The following ZNF675 variants were observed in gnomAD, a reference collection of about 807,000 sequenced individuals.
ZNF675 encodes zinc finger protein 675, also known as TRAF6 inhibitory zinc finger.
ZNF675 carries 36 observed loss-of-function variants against 56.1 expected under a neutral mutation model. The observed-to-expected ratio is 0.64, with a 90% CI of 0.49 to 0.85. The LOEUF is 0.85. Among genes scored for constraint, ZNF675 ranks in the 40% least tolerant of loss-of-function variants. ZNF675 has a pLI of 0.00. For synonymous variants in ZNF675, 200 were observed against 218.9 expected (o/e 0.91, Z 0.76); for missense variants, 663 against 654.2 (o/e 1.01, Z -0.15).
intron 1 of ZNF675, among the ~76,000 whole-genome samples, chr19:23,680,738 G>C (rs1345966032): frequency 2.6e-5 from 4 of 151,534 alleles, no homozygotes; most frequent in Non-Finnish European, 5.9e-5. Flanking sequence ...TGGGCAACAA[G>C]AGCAAAACTC....
chr19:23,680,246 C>T (rs7256137), intron 1 of ZNF675, among the ~76,000 whole-genome samples: 146,935 of 151,362 alleles, frequency 0.97, 71,612 homozygotes, highest in Middle Eastern at 1. Flanking sequence ...GAGGTTGCAG[C>T]GAGCTGACAT....
chr19:23,674,346 A>G (rs753561130), intron 1 of ZNF675, among the ~76,000 whole-genome samples: 16 of 151,860 alleles, frequency 1.1e-4, no homozygotes, highest in Non-Finnish European at 1.5e-4. Context: ...AAATGCTTAA[A>G]GAAGTGAGAG....
At chr19:23,676,853 T>C (rs1321554373) in intron 1 of ZNF675, among the ~76,000 whole-genome samples, 1 of 151,326 alleles carries the variant, frequency 6.6e-6, no homozygotes, top group Non-Finnish European at 1.5e-5. Context: ...GGTGGGTGGA[T>C]CACGAGGTCA....
chr19:23,666,279 C>G (rs903659384), intron 1 of ZNF675, among the ~76,000 whole-genome samples: 8 of 152,344 alleles, frequency 5.3e-5, no homozygotes, highest in Admixed American at 3.3e-4. Context: ...AAAAGTGACA[C>G]TTTGTAACTT....
chr19:23,670,485 A>ACCT (rs1443655226), intron 1 of ZNF675, among the ~76,000 whole-genome samples: 1 of 7,524 alleles, frequency 1.3e-4, no homozygotes, highest in Admixed American at 3.7e-3. Flanking sequence ...ATTATAGATA[A>ACCT]CCTTTTACAG....
At chr19:23,658,857 A>C (rs879586413) in intron 3 of ZNF675, among the ~76,000 whole-genome samples, 1,033 of 38,014 alleles carry the variant, frequency 0.027, 33 homozygotes, top group Non-Finnish European at 0.047. Flanking sequence ...CTATATAGAT[A>C]TAGAAATAGA....
Position 23,654,032 on chromosome 19 carries a change from T to A in ZNF675, c.901A>T (p.Thr301Ser). The change falls in exon 4 of 4, where the codon ACA becomes TCA. Residue 301 changes from threonine to serine, a missense_variant. Coordinates refer to ENST00000359788, the MANE Select transcript of ZNF675 (RefSeq NM_138330.3). ...TCTCCAGTATGAATTTTTTTATGTG[T>A]AGTAAGATTTGAGAACTGGTTAAAG... ...KAFNQFSNLT[T>S]HKKIHTGEQP... 1 of 1,613,320 alleles carries A rather than the reference T, an allele frequency of 6.2e-7. No individual in the cohort carries two copies. Among genetic ancestry groups the A allele is most frequent in the Non-Finnish European group, 8.5e-7 (1 of 1,179,814 alleles).
intron 1 of ZNF675, among the ~76,000 whole-genome samples, chr19:23,683,913 CA>C (rs1264331667): frequency 2.6e-5 from 4 of 151,948 alleles, no homozygotes; most frequent in Non-Finnish European, 5.9e-5. Context: ...GCTCTTTGCA[CA>C]TATTTTCTTC....
At chr19:23,673,555 T>C (rs1235653893) in intron 1 of ZNF675, among the ~76,000 whole-genome samples, 45 of 152,220 alleles carry the variant, frequency 3.0e-4, no homozygotes, top group Admixed American at 2.9e-3. Flanking sequence ...TGGGAGTGAC[T>C]GGAAGCCTGA....
intron 1 of ZNF675, among the ~76,000 whole-genome samples, chr19:23,671,721 G>C (rs1568293763): frequency 6.6e-6 from 1 of 151,576 alleles, no homozygotes; most frequent in East Asian, 1.9e-4. Context: ...AGTTGCTATA[G>C]TCTAGACTAA....
intron 1 of ZNF675, among the ~76,000 whole-genome samples, chr19:23,668,509 G>T (rs1442579915): frequency 1.3e-5 from 2 of 152,174 alleles, no homozygotes; most frequent in African/African-American, 4.8e-5. Context: ...CTGCCTGCCA[G>T]TCCTGCGCCA....
Position 23,662,120 on chromosome 19 carries a change from G to GTTCAT in ZNF675, c.215_219dup (p.Pro74MetfsTer5). 1.2e-6 allele frequency: 2 copies of GTTCAT among 1,611,972 alleles called. No homozygotes were observed. Among genetic ancestry groups the GTTCAT allele is most frequent in the Non-Finnish European group, 1.7e-6 (2 of 1,178,386 alleles). ...CACTTTCATTCTCACTTACCTGGGG[G>GTTCAT]TTCATTCACCATCTCATGTCTCTTC... On this transcript the variant is annotated frameshift_variant, in exon 3 of 4. Transcript: ENST00000359788. LOFTEE classifies it high-confidence loss of function.
At chr19:23,655,962 A>G (rs2144918680) in intron 3 of ZNF675, 1 of 152,302 alleles carries the variant, frequency 6.6e-6, no homozygotes, top group East Asian at 1.9e-4. Context: ...GCATGGTAGC[A>G]GCCATGGCAC....
At position 23,687,102 on chromosome 19, in the gene ZNF675, C is replaced by T. The variant is rs1968454096; in HGVS notation, c.-69G>A. 3 of 1,588,516 alleles carry T rather than the reference C, an allele frequency of 1.9e-6. No homozygotes were observed. In the East Asian group the frequency reaches 6.7e-5, roughly 36 times the overall value. ...TCAATTTCTGCAGGTCACAGGCCCA[C>T]AGAGGCTGGACCTCTAGGAGCAGAG... On this transcript the variant is annotated 5_prime_UTR_variant, in exon 1 of 4. The change creates a new upstream start codon in the 5' untranslated region. Transcript: ENST00000359788.
At chr19:23,668,203 A>G (rs1212519895) in intron 1 of ZNF675, among the ~76,000 whole-genome samples, 1 of 151,072 alleles carries the variant, frequency 6.6e-6, no homozygotes, top group African/African-American at 2.4e-5. Context: ...CGATTGGTGT[A>G]TTTACAATCC....
At chr19:23,668,079 A>G (rs1968178031) in intron 1 of ZNF675, among the ~76,000 whole-genome samples, 1 of 147,718 alleles carries the variant, frequency 6.8e-6, no homozygotes, top group South Asian at 2.2e-4. Context: ...AAGGTTCTCC[A>G]AGGCCCCACC....
At chr19:23,660,773 A>G (rs901650248) in intron 3 of ZNF675, among the ~76,000 whole-genome samples, 1 of 152,202 alleles carries the variant, frequency 6.6e-6, no homozygotes, top group Non-Finnish European at 1.5e-5. Context: ...AATGATCTAT[A>G]GATTCAAGAC....
chr19:23,658,891 ATC>A (rs1288550422), intron 3 of ZNF675, among the ~76,000 whole-genome samples: 728 of 11,518 alleles, frequency 0.063, 28 homozygotes, highest in Non-Finnish European at 0.24. Flanking sequence ...ATAGATATAG[ATC>A]TATAGATATC....
chr19:23,684,343 G>A (rs535164361), intron 1 of ZNF675, among the ~76,000 whole-genome samples: 5 of 151,328 alleles, frequency 3.3e-5, no homozygotes, highest in Non-Finnish European at 4.4e-5. Context: ...TGGCAATGCT[G>A]ATTAGAAAAC....
Sources: allele counts gnomAD v4.1 joint callset (sites outside exome capture counted in the v4.1 genomes callset), GRCh38; gene constraint gnomAD v4.1.1; transcripts MANE v1.5; gene names NCBI Gene and HGNC (gene_info 2026-07-23, HGNC 2026-07-21).